SNX29: variants seen among roughly 807,000 people sequenced by gnomAD.
SNX29 encodes the protein sorting nexin 29.
Under a neutral mutation model 102.1 loss-of-function variants are expected in SNX29, and 78 were observed. The observed-to-expected ratio is 0.76, with a 90% CI of 0.64 to 0.92. The LOEUF is 0.92. Ranked by LOEUF, SNX29 falls within the 40% of genes least tolerant of loss-of-function variation. The pLI, the probability that SNX29 is intolerant of heterozygous loss-of-function variation, is 0.00. For synonymous variants in SNX29, 580 were observed against 414.5 expected (o/e 1.40, Z -4.85); for missense variants, 1,280 against 1,061.7 (o/e 1.21, Z -2.86).
intron 14 of SNX29, among the ~76,000 whole-genome samples, chr16:12,271,623 C>A (rs1227536210): frequency 6.7e-6 from 1 of 149,896 alleles, no homozygotes. Flanking sequence ...ATATTGGAAC[C>A]ATCTTTTTTT....
chr16:12,556,120 T>C (rs1342389911), intron 20 of SNX29, among the ~76,000 whole-genome samples: 1 of 152,204 alleles, frequency 6.6e-6, no homozygotes, highest in East Asian at 1.9e-4. Flanking sequence ...GTTATTACTC[T>C]TATGTTCTCA....
At chr16:12,195,021 A>T (rs1393278508) in intron 13 of SNX29, among the ~76,000 whole-genome samples, 2 of 152,246 alleles carry the variant, frequency 1.3e-5, no homozygotes, top group East Asian at 3.8e-4. Context: ...TAATTTTATC[A>T]TATAGAAATG....
chr16:12,543,299 C>T (rs1008618323), intron 20 of SNX29, among the ~76,000 whole-genome samples: 7 of 152,096 alleles, frequency 4.6e-5, no homozygotes, highest in African/African-American at 1.2e-4. Context: ...GCCTGTGGCC[C>T]GGGGAATGGA....
intron 14 of SNX29, among the ~76,000 whole-genome samples, chr16:12,237,833 G>T (rs947528787): frequency 3.3e-5 from 5 of 152,182 alleles, no homozygotes; most frequent in Non-Finnish European, 7.3e-5. Flanking sequence ...ACTTGAACCC[G>T]GGAGATGGAG....
At chr16:12,331,929 G>A (rs1057346239) in intron 15 of SNX29, among the ~76,000 whole-genome samples, 6 of 152,062 alleles carry the variant, frequency 3.9e-5, no homozygotes, top group East Asian at 1.9e-4. Context: ...AAGTGGTGGC[G>A]CACGCCTGTA....
intron 20 of SNX29, among the ~76,000 whole-genome samples, chr16:12,546,950 C>T (rs1275441966): frequency 6.6e-6 from 1 of 152,124 alleles, no homozygotes; most frequent in African/African-American, 2.4e-5. Context: ...AATAAATTCC[C>T]CACCCCTCCA....
intron 20 of SNX29, among the ~76,000 whole-genome samples, chr16:12,552,700 T>G (rs2078058221): frequency 6.6e-6 from 1 of 151,902 alleles, no homozygotes; most frequent in African/African-American, 2.4e-5. Context: ...GGGGGAAGAT[T>G]TAGATTGGGG....
At chr16:12,499,626 C>T (rs1490904502) in intron 19 of SNX29, among the ~76,000 whole-genome samples, 1 of 152,140 alleles carries the variant, frequency 6.6e-6, no homozygotes, top group East Asian at 1.9e-4. Context: ...CACCCCAGAC[C>T]CGGTGAATTA....
At chr16:12,462,999 C>T (rs898045796) in intron 18 of SNX29, among the ~76,000 whole-genome samples, 3 of 152,204 alleles carry the variant, frequency 2.0e-5, no homozygotes, top group African/African-American at 7.2e-5. Flanking sequence ...AGCAGTGACT[C>T]CAGCTATTTC....
At chr16:12,333,106 A>ATTTTT (rs34047585) in intron 15 of SNX29, among the ~76,000 whole-genome samples, 2,628 of 135,698 alleles carry the variant, frequency 0.019, 81 homozygotes, top group African/African-American at 0.03. Flanking sequence ...CAATCAGTTA[A>ATTTTT]TTTTTTTTTT....
At chr16:12,356,556 T>C (rs979189920) in intron 16 of SNX29, among the ~76,000 whole-genome samples, 1 of 152,256 alleles carries the variant, frequency 6.6e-6, no homozygotes, top group Admixed American at 6.5e-5. Flanking sequence ...CATCTTTCCA[T>C]ACTTTACTAC....
At chr16:12,540,331 T>G (rs369290844) in intron 20 of SNX29, among the ~76,000 whole-genome samples, 3 of 152,170 alleles carry the variant, frequency 2.0e-5, no homozygotes, top group African/African-American at 4.8e-5. Context: ...ACAGCTCTTA[T>G]GATTAAAGAG....
rs896991296 is a variant in SNX29 at position 12,550,279 on chromosome 16, G to C, written c.2319-18227G>C. On this transcript the variant is annotated intron_variant, in intron 20 of 20. Coordinates refer to ENST00000566228, the MANE Select transcript of SNX29 (RefSeq NM_032167.5). ...GGGCCAGACACAGAGGCTTATACCT[G>C]TAATCCCAGTACTGTGGGAGGCCAA... 1.4e-3 allele frequency among the ~76,000 whole-genome samples: 218 copies of C among 152,316 alleles called. 1 individual carries two copies. Among genetic ancestry groups the C allele is most frequent in the African/African-American group, 5.2e-3 (215 of 41,558 alleles).
At chr16:11,984,863 C>T (rs969978985) in intron 1 of SNX29, among the ~76,000 whole-genome samples, 5 of 152,092 alleles carry the variant, frequency 3.3e-5, no homozygotes, top group Admixed American at 6.5e-5. Context: ...GTATATTGCC[C>T]GAGCTGGTCT....
chr16:12,405,118 A>G (rs941676709), intron 18 of SNX29, among the ~76,000 whole-genome samples: 2 of 152,188 alleles, frequency 1.3e-5, no homozygotes, highest in African/African-American at 2.4e-5. Context: ...TGACCCTTCA[A>G]GTTCTGCATT....
rs370233920 is a variant in SNX29, at chr16:12,178,209, G to A, written c.1596-21392G>A. Among the ~76,000 whole-genome samples the A allele has an allele frequency of 3.3e-5, 5 of 152,260 alleles. No individual in the cohort carries two copies. In the East Asian group the frequency reaches 5.8e-4, roughly 18 times the overall value. On this transcript the variant is annotated intron_variant, in intron 13 of 20. Coordinates refer to ENST00000566228, the MANE Select transcript of SNX29 (RefSeq NM_032167.5). ...GGGACCCTGGCAGGATGAGCATCTCGTGGTTACAGGGACCGGGGCATGGGC... is the reference window on the plus strand; with the variant it reads ...GGGACCCTGGCAGGATGAGCATCTCATGGTTACAGGGACCGGGGCATGGGC...
At chr16:12,157,882 C>G (rs866706558) in intron 13 of SNX29, among the ~76,000 whole-genome samples, 2 of 152,324 alleles carry the variant, frequency 1.3e-5, no homozygotes, top group Middle Eastern at 3.4e-3. Flanking sequence ...GGCTTCTGTT[C>G]ATGCATCAGG....
At chr16:12,005,674 A>G (rs2151033524) in intron 3 of SNX29, among the ~76,000 whole-genome samples, 1 of 152,272 alleles carries the variant, frequency 6.6e-6, no homozygotes, top group African/African-American at 2.4e-5. Flanking sequence ...GGGTTAATGT[A>G]TTCTTACACG....
At chr16:12,039,959 G>T (rs2057581661) in intron 4 of SNX29, among the ~76,000 whole-genome samples, 1 of 152,198 alleles carries the variant, frequency 6.6e-6, no homozygotes, top group South Asian at 2.1e-4. Context: ...GTAAATAGTA[G>T]TTGCTGTTGC....
Sources: allele counts gnomAD v4.1 joint callset (sites outside exome capture counted in the v4.1 genomes callset), GRCh38; gene constraint gnomAD v4.1.1; transcripts MANE v1.5; gene names NCBI Gene and HGNC (gene_info 2026-07-23, HGNC 2026-07-21).